The following CPQ variants were observed in gnomAD, a reference collection of about 807,000 sequenced individuals.
CPQ encodes the protein carboxypeptidase Q, also known as Ser-Met dipeptidase.
In CPQ, 37 loss-of-function variants were observed where a neutral mutation model predicts 45.7. The observed-to-expected ratio is 0.81, with a 90% CI of 0.62 to 1.07. The LOEUF is 1.07. CPQ is among the 50% of genes least tolerant of loss of function. The pLI is 0.00. For synonymous variants in CPQ, 186 were observed against 205.8 expected (o/e 0.90, Z 0.82); for missense variants, 537 against 572.9 (o/e 0.94, Z 0.64).
intron 1 of CPQ, among the ~76,000 whole-genome samples, chr8:96,717,717 A>G (rs1204935639): frequency 3.3e-5 from 5 of 152,124 alleles, no homozygotes; most frequent in Non-Finnish European, 7.3e-5. Flanking sequence ...ACTAGGACAC[A>G]TGGAGGGGCA....
At chr8:96,857,336 C>A (rs1042156422) in intron 3 of CPQ, among the ~76,000 whole-genome samples, 1 of 152,144 alleles carries the variant, frequency 6.6e-6, no homozygotes, top group African/African-American at 2.4e-5. Context: ...CACACAAAAA[C>A]CCCCGCCTCC....
intron 4 of CPQ, among the ~76,000 whole-genome samples, chr8:96,926,363 G>A (rs1251617664): frequency 2.0e-5 from 3 of 152,100 alleles, no homozygotes; most frequent in Non-Finnish European, 4.4e-5. Flanking sequence ...CTTTGGGGTG[G>A]GGCTGGGAGT....
chr8:97,055,886 G>A (rs910788294), intron 6 of CPQ, among the ~76,000 whole-genome samples: 1 of 152,078 alleles, frequency 6.6e-6, no homozygotes, highest in Admixed American at 6.6e-5. Context: ...GATCACCTGA[G>A]CCCAAAAGTT....
intron 1 of CPQ, among the ~76,000 whole-genome samples, chr8:96,769,626 ATTTTT>A (rs34672966): frequency 8.9e-6 from 1 of 112,664 alleles, no homozygotes. Flanking sequence ...TGTTTACTGG[ATTTTT>A]TTTTTTTTTT....
chr8:96,734,603 C>T (rs1008839002), intron 1 of CPQ, among the ~76,000 whole-genome samples: 10 of 151,786 alleles, frequency 6.6e-5, no homozygotes, highest in African/African-American at 2.4e-5. Flanking sequence ...CCCAGCTACT[C>T]GGGAGGCTGA....
intron 7 of CPQ, among the ~76,000 whole-genome samples, chr8:97,072,671 T>C (rs1226639194): frequency 6.6e-6 from 1 of 152,136 alleles, no homozygotes; most frequent in Non-Finnish European, 1.5e-5. Flanking sequence ...GCTCTCATAC[T>C]TCCTTGCCAC....
chr8:97,101,950 C>CT lies in CPQ; in HGVS notation c.1255+35740_1255+35741insT, dbSNP rs1563580564. On this transcript the variant is annotated intron_variant, in intron 7 of 7. Coordinates refer to ENST00000220763, the MANE Select transcript of CPQ (RefSeq NM_016134.4). ...TCTCTCTCTCTCTCTCTCCCTCCCTCCCTCTCTCTCTCTCTCTCTCTCTCT... is the reference window on the plus strand; with the variant it reads ...TCTCTCTCTCTCTCTCTCCCTCCCTCTCCTCTCTCTCTCTCTCTCTCTCTCT... 4.5e-3 allele frequency among the ~76,000 whole-genome samples: 605 copies of CT among 134,440 alleles called. 5 individuals carry two copies. Among genetic ancestry groups the CT allele is most frequent in the African/African-American group, 0.018 (563 of 30,488 alleles). 88.2% of individuals were successfully genotyped at this position (134,440 alleles called of 152,430 possible). A position where few individuals can be genotyped will look rare whatever the true frequency, so the allele number is the denominator to read the frequency against.
At chr8:96,683,432 C>T (rs1408900032) in intron 1 of CPQ, among the ~76,000 whole-genome samples, 1 of 152,014 alleles carries the variant, frequency 6.6e-6, no homozygotes, top group Non-Finnish European at 1.5e-5. Flanking sequence ...TGACTTGGCA[C>T]TTTTTCTGTT....
rs754678774 is a variant in CPQ at position 96,851,736 on chromosome 8, C to T, written c.641+16556C>T. On this transcript the variant is annotated intron_variant, in intron 3 of 7. Transcript: ENST00000220763. The stretch of plus-strand genomic sequence containing the variant: ...CTTTCAAACCATAGAATAAAGAAAA[C>T]GAAAGGGGGAAAACTGCAAACAAAT... 2.1e-4 allele frequency among the ~76,000 whole-genome samples: 32 copies of T among 152,166 alleles called. No individual in the cohort carries two copies. In the East Asian group the frequency reaches 2.3e-3, roughly 11 times the overall value.
chr8:96,763,806 T>C (rs1309556234), intron 1 of CPQ, among the ~76,000 whole-genome samples: 3 of 152,080 alleles, frequency 2.0e-5, no homozygotes, highest in African/African-American at 7.2e-5. Flanking sequence ...TATTAGTCAT[T>C]AGAGAAATGT....
chr8:97,045,689 A>G (rs1207345695), intron 6 of CPQ, among the ~76,000 whole-genome samples: 1 of 152,156 alleles, frequency 6.6e-6, no homozygotes, highest in African/African-American at 2.4e-5. Context: ...TTCCCAAGTG[A>G]CCCAAAGATC....
intron 4 of CPQ, among the ~76,000 whole-genome samples, chr8:96,937,489 G>T (rs576960741): frequency 6.6e-6 from 1 of 152,142 alleles, no homozygotes; most frequent in Non-Finnish European, 1.5e-5. Flanking sequence ...ATCAAGAAAC[G>T]CCTCCAGGCC....
chr8:96,710,007 G>A (rs1370188535), intron 1 of CPQ, among the ~76,000 whole-genome samples: 1 of 151,954 alleles, frequency 6.6e-6, no homozygotes, highest in Non-Finnish European at 1.5e-5. Context: ...GAATCTCTCT[G>A]GCCCTGGGCT....
rs567124171 is a variant in CPQ, at chr8:96,661,788, T to C, written c.-35+16386T>C. ...TTTTGTGTTTACATGTTTTCAATCCTTTTGGGAAAATATTAAAGAATGCCA... is the reference window on the plus strand; with the variant it reads ...TTTTGTGTTTACATGTTTTCAATCCCTTTGGGAAAATATTAAAGAATGCCA... On this transcript the variant is annotated intron_variant, in intron 1 of 7. Transcript: ENST00000220763. Among the ~76,000 whole-genome samples, 18 of 152,348 alleles carry C rather than the reference T, an allele frequency of 1.2e-4. No homozygotes were observed. In the South Asian group the frequency reaches 3.3e-3, roughly 28 times the overall value.
chr8:96,784,395 G>C (rs944491828), intron 1 of CPQ, among the ~76,000 whole-genome samples: 28 of 146,294 alleles, frequency 1.9e-4, no homozygotes, highest in Non-Finnish European at 1.5e-4. Context: ...TTATTGTTCT[G>C]AGGTGGGGGG....
intron 7 of CPQ, among the ~76,000 whole-genome samples, chr8:97,104,056 T>C (rs1338237588): frequency 1.3e-5 from 2 of 152,150 alleles, no homozygotes; most frequent in Non-Finnish European, 2.9e-5. Context: ...GCAGGGATTT[T>C]CTGAGAATTA....
chr8:96,958,994 T>C (rs1813405279), intron 4 of CPQ, among the ~76,000 whole-genome samples: 1 of 151,656 alleles, frequency 6.6e-6, no homozygotes, highest in Non-Finnish European at 1.5e-5. Context: ...GAACACACCC[T>C]GTATGTCAAG....
intron 6 of CPQ, among the ~76,000 whole-genome samples, chr8:97,036,913 T>C (rs1158681073): frequency 6.6e-6 from 1 of 152,176 alleles, no homozygotes. Context: ...ATGAACACTG[T>C]TGTGTTCTGG....
intron 1 of CPQ, among the ~76,000 whole-genome samples, chr8:96,686,834 G>A (rs902362514): frequency 3.3e-5 from 5 of 152,028 alleles, no homozygotes; most frequent in African/African-American, 9.7e-5. Flanking sequence ...TTTGTTGGGA[G>A]TAAATTGACA....
Sources: allele counts gnomAD v4.1 joint callset (sites outside exome capture counted in the v4.1 genomes callset), GRCh38; gene constraint gnomAD v4.1.1; transcripts MANE v1.5; gene names NCBI Gene and HGNC (gene_info 2026-07-23, HGNC 2026-07-21).